Variants in MAP4 observed in about 807,000 individuals in gnomAD.
MAP4 encodes microtubule associated protein 4.
A neutral mutation model predicts 170.2 loss-of-function variants in MAP4; 76 were observed. The ratio of observed to expected loss-of-function variants is 0.45; its 90% CI spans 0.37 to 0.54. The LOEUF is 0.54. Among genes scored for constraint, MAP4 ranks in the 20% least tolerant of loss-of-function variants. The probability of loss-of-function intolerance (pLI) is 0.00; values close to 1 mark genes in which losing one functional copy is unlikely to be tolerated. For missense variants in MAP4, 2,506 were observed against 2,748.0 expected (o/e 0.91, Z 1.97); for synonymous variants, 909 against 994.5 (o/e 0.91, Z 1.62).
At chr3:47,881,479 T>C in intron 10 of MAP4, among the ~76,000 whole-genome samples, 3 of 91,428 alleles carry the variant, frequency 3.3e-5, no homozygotes, top group Non-Finnish European at 7.0e-5. Flanking sequence ...TATATATATA[T>C]ATATATATAT....
At chr3:47,857,591 T>A in intron 17 of MAP4, 79 bp from the exon 18 acceptor site, 2 of 960,126 alleles carry the variant, frequency 2.1e-6, no homozygotes, top group South Asian at 1.4e-5. Context: ...TTTTAAATCT[T>A]CTCCATGTTC....
chr3:47,900,680 G>A lies in MAP4; in HGVS notation c.5434+2270C>T, dbSNP rs1224128962. Among the ~76,000 whole-genome samples the A allele has an allele frequency of 6.6e-5, 10 of 152,150 alleles. No individual in the cohort carries two copies. In the South Asian group the frequency reaches 1.2e-3, roughly 19 times the overall value. On this transcript the variant is annotated intron_variant, in intron 10 of 20. Coordinates refer to ENST00000683076, the MANE Select transcript of MAP4 (RefSeq NM_001385682.1). ...GAACCTGGGAGGTGGAGATTACAGT[G>A]AGCCGAGATGGCGCCACTGCACTCC...
chr3:48,026,326 A>G (rs924453966), intron 1 of MAP4, among the ~76,000 whole-genome samples: 1 of 152,232 alleles, frequency 6.6e-6, no homozygotes, highest in African/African-American at 2.4e-5. Flanking sequence ...ATAAACGCTC[A>G]TATTTATTAC....
intron 1 of MAP4, among the ~76,000 whole-genome samples, chr3:48,079,895 A>G (rs1354592137): frequency 6.6e-6 from 1 of 151,808 alleles, no homozygotes; most frequent in African/African-American, 2.4e-5. Flanking sequence ...GCTTGCAGTG[A>G]GCCGAGATAG....
chr3:47,857,599 T>TAAATAATAAATAATAAA, intron 17 of MAP4, 87 bp from the exon 18 acceptor site: 2 of 895,918 alleles, frequency 2.2e-6, no homozygotes, highest in Non-Finnish European at 1.8e-6. Flanking sequence ...CTTCTCCATG[T>TAAATAATAAATAATAAA]TCAGGGTTTC....
At chr3:47,865,282 C>T (rs1342880322) in intron 17 of MAP4, among the ~76,000 whole-genome samples, 2 of 152,132 alleles carry the variant, frequency 1.3e-5, no homozygotes, top group Non-Finnish European at 2.9e-5. Flanking sequence ...CACAAGTGAC[C>T]CAGTTCCCTC....
chr3:47,970,288 C>T (rs537543771), intron 3 of MAP4, among the ~76,000 whole-genome samples: 1 of 151,838 alleles, frequency 6.6e-6, no homozygotes, highest in South Asian at 2.1e-4. Context: ...GAGTTCGAGA[C>T]CAGCCTGACC....
rs2100138997 is a variant in MAP4, at chr3:48,067,698, G to A, written c.-20+21075C>T. On this transcript the variant is annotated intron_variant, in intron 1 of 18. Coordinates refer to the MAP4 transcript ENST00000360240. Reference sequence around the variant, plus strand: ...TCTGCCACCCAGGCTGGAGTGCGGTGGCACAATCTCGGCTCACTGCAACCT... The same window carrying A: ...TCTGCCACCCAGGCTGGAGTGCGGTAGCACAATCTCGGCTCACTGCAACCT... Among the ~76,000 whole-genome samples the A allele has an allele frequency of 2.0e-5, 3 of 151,396 alleles. No homozygotes were observed. The South Asian group carries it at 6.3e-4, about 32-fold the overall frequency.
At chr3:48,041,440 TA>T (rs1246614087) in intron 1 of MAP4, among the ~76,000 whole-genome samples, 6,651 of 146,062 alleles carry the variant, frequency 0.046, 472 homozygotes, top group African/African-American at 0.15. Flanking sequence ...TCTGAAAAAT[TA>T]AAAAAAAAAA....
At chr3:48,035,171 C>T (rs2100118142) in intron 1 of MAP4, among the ~76,000 whole-genome samples, 1 of 147,550 alleles carries the variant, frequency 6.8e-6, no homozygotes, top group African/African-American at 2.5e-5. Context: ...ACTAAACCTA[C>T]CTTGGGTCTG....
chr3:47,858,629 TGTG>T (rs2060665218), intron 17 of MAP4, among the ~76,000 whole-genome samples: 1 of 149,918 alleles, frequency 6.7e-6, no homozygotes, highest in Admixed American at 6.6e-5. Context: ...GTTGTGTGTG[TGTG>T]TGTGTGTGTG....
chr3:47,893,397 G>A (rs2100025106), intron 10 of MAP4, among the ~76,000 whole-genome samples: 2 of 152,162 alleles, frequency 1.3e-5, no homozygotes, highest in Admixed American at 1.3e-4. Flanking sequence ...TCTGTTAGGT[G>A]TCATGTGAAC....
intron 1 of MAP4, among the ~76,000 whole-genome samples, chr3:48,051,097 C>A (rs1356823747): frequency 7.6e-6 from 1 of 131,576 alleles, no homozygotes. Context: ...AATTTCCACA[C>A]ACACACACAC....
intron 1 of MAP4, among the ~76,000 whole-genome samples, chr3:48,056,209 A>C: frequency 1.0e-5 from 1 of 95,610 alleles, no homozygotes. Context: ...TCCGGGAGGG[A>C]GGTGGGGGGG....
In MAP4 at chr3:47,852,634, G is replaced by C. The variant is rs1383554110; in HGVS notation, c.*300C>G. 1 of 1,025,802 alleles carries C rather than the reference G, an allele frequency of 9.7e-7. No homozygotes were observed. Among genetic ancestry groups the C allele is most frequent in the Non-Finnish European group, 1.4e-6 (1 of 725,802 alleles). The allele number at this position is 1,025,802 out of a possible 1,614,324, so 63.5% of individuals were successfully genotyped here. A position where few individuals can be genotyped will look rare whatever the true frequency, so the allele number is the denominator to read the frequency against. On this transcript the variant is annotated 3_prime_UTR_variant, in exon 21 of 21. Coordinates refer to ENST00000683076, the MANE Select transcript of MAP4 (RefSeq NM_001385682.1). ...CCCTCCCAACCTCCTCCACGGAGCA[G>C]TGGCGCAGTGATGGGGCAAGACCAA...
At chr3:48,022,092 T>C (rs1297985336) in intron 1 of MAP4, among the ~76,000 whole-genome samples, 1 of 152,092 alleles carries the variant, frequency 6.6e-6, no homozygotes, top group Non-Finnish European at 1.5e-5. Flanking sequence ...TGCAAAATAG[T>C]GGGGGAATTA....
chr3:47,861,130 G>A (rs545495100), intron 17 of MAP4, among the ~76,000 whole-genome samples: 79 of 152,286 alleles, frequency 5.2e-4, no homozygotes, highest in African/African-American at 1.8e-3. Flanking sequence ...GGAGGCTGAG[G>A]TGGGTGGATC....
chr3:48,028,994 AG>A (rs2100114540), intron 1 of MAP4, among the ~76,000 whole-genome samples: 1 of 150,058 alleles, frequency 6.7e-6, no homozygotes, highest in African/African-American at 2.5e-5. Context: ...AATACAAAAA[AG>A]GTTAGCTGGT....
intron 3 of MAP4, chr3:47,974,381 C>T (rs573916975): frequency 2.9e-4 from 223 of 770,980 alleles, no homozygotes; most frequent in East Asian, 1.5e-3. Context: ...GCCAAGATCG[C>T]GCCACCGCAC....
Sources: allele counts gnomAD v4.1 joint callset (sites outside exome capture counted in the v4.1 genomes callset), GRCh38; gene constraint gnomAD v4.1.1; transcripts MANE v1.5; gene names NCBI Gene and HGNC (gene_info 2026-07-23, HGNC 2026-07-21).